The following RIPOR2 variants were observed in gnomAD, a reference collection of about 807,000 sequenced individuals.
RIPOR2 encodes the protein RHO family interacting cell polarization regulator 2.
RIPOR2 carries 39 observed loss-of-function variants against 114.5 expected under a neutral mutation model. That is an observed-to-expected ratio of 0.34 (90% CI 0.26 to 0.44). The LOEUF is 0.44. Among genes scored for constraint, RIPOR2 ranks in the 20% least tolerant of loss-of-function variants. RIPOR2 has a pLI of 1.00. For synonymous variants in RIPOR2, 445 were observed against 484.4 expected (o/e 0.92, Z 1.07); for missense variants, 1,007 against 1,255.1 (o/e 0.80, Z 2.99).
At chr6:25,004,986 T>TACACACAC (rs58120451) in intron 1 of RIPOR2, among the ~76,000 whole-genome samples, 1 of 146,432 alleles carries the variant, frequency 6.8e-6, no homozygotes, top group East Asian at 2.0e-4. Context: ...TCAAATAGGC[T>TACACACAC]ACACACACAC....
At chr6:24,839,826 C>T (rs770071001) in intron 13 of RIPOR2, 18 of 1,311,836 alleles carry the variant, frequency 1.4e-5, no homozygotes, top group East Asian at 3.0e-5. Flanking sequence ...TTACAAAAGG[C>T]GCTAGCTATC....
intron 21 of RIPOR2, among the ~76,000 whole-genome samples, chr6:24,809,216 A>G (rs531872557): frequency 1.4e-4 from 21 of 152,328 alleles, no homozygotes; most frequent in Admixed American, 3.9e-4. Context: ...TAAGTACTCC[A>G]ATTCTTTTCT....
intron 1 of RIPOR2, among the ~76,000 whole-genome samples, chr6:25,034,184 CTGTTG>C (rs1311228062): frequency 6.6e-6 from 1 of 151,788 alleles, no homozygotes; most frequent in East Asian, 1.9e-4. Context: ...GACTTTCTCT[CTGTTG>C]TATGTTTCTG....
rs1247378379 is a variant in RIPOR2, at chr6:25,004,098, GTGACA to G, written c.76+37748_76+37752del. Among the ~76,000 whole-genome samples, 3 of 152,170 alleles carry G rather than the reference GTGACA, an allele frequency of 2.0e-5. No homozygotes were observed. The East Asian group carries it at 5.8e-4, about 29-fold the overall frequency. ...AAACAAACCAAGGGATATTATGGTT[GTGACA>G]TGTTCATTGTCTCAACTTCCTGAGA... On this transcript the variant is annotated intron_variant, in intron 1 of 13. Transcript: ENST00000510784.
intron 3 of RIPOR2, 66 bp from the exon 4 acceptor site, chr6:24,873,025 C>T (rs1765360933): frequency 4.7e-6 from 5 of 1,065,692 alleles, no homozygotes; most frequent in Non-Finnish European, 7.3e-6. Context: ...GGTGCTGTTG[C>T]TGACTTTTCC....
At chr6:24,947,803 A>C (rs1249422511) in intron 1 of RIPOR2, 1 of 152,190 alleles carries the variant, frequency 6.6e-6, no homozygotes, top group Non-Finnish European at 1.5e-5. Flanking sequence ...AAAGAAAGAA[A>C]AAAGAAAAAA....
intron 1 of RIPOR2, among the ~76,000 whole-genome samples, chr6:24,945,547 T>A (rs1772362583): frequency 6.6e-6 from 1 of 152,148 alleles, no homozygotes; most frequent in South Asian, 2.1e-4. Flanking sequence ...TAATTATACA[T>A]CTGTGTTGAC....
chr6:24,840,804 A>G (rs1349437995), intron 13 of RIPOR2: 5 of 1,534,038 alleles, frequency 3.3e-6, no homozygotes, highest in East Asian at 4.9e-5. Flanking sequence ...GAGAAAAGAG[A>G]AAGCTTTGTC....
At chr6:24,976,780 C>G (rs548602085) in intron 1 of RIPOR2, 1 of 1,611,660 alleles carries the variant, frequency 6.2e-7, no homozygotes. Flanking sequence ...AAATCTTGTC[C>G]ATGGCAAATG....
intron 21 of RIPOR2, among the ~76,000 whole-genome samples, chr6:24,806,859 T>C (rs572082400): frequency 6.6e-6 from 1 of 152,348 alleles, no homozygotes; most frequent in East Asian, 1.9e-4. Flanking sequence ...TTTACTTGTA[T>C]ACATTATATA....
intron 1 of RIPOR2, among the ~76,000 whole-genome samples, chr6:24,914,328 C>T (rs746691258): frequency 9.4e-5 from 14 of 148,732 alleles, no homozygotes; most frequent in Admixed American, 7.3e-4. Context: ...CAAACAACAA[C>T]AACAACAACA....
chr6:24,847,523 C>T (rs140804253), intron 12 of RIPOR2: 4 of 1,548,926 alleles, frequency 2.6e-6, no homozygotes, highest in South Asian at 1.2e-5. Flanking sequence ...CACTCCATAC[C>T]CGGGCAGGCC....
At chr6:24,954,986 G>C (rs568278717) in intron 1 of RIPOR2, among the ~76,000 whole-genome samples, 122 of 152,196 alleles carry the variant, frequency 8.0e-4, no homozygotes, top group Non-Finnish European at 1.5e-3. Context: ...AGTTGTGGCC[G>C]TTTATATATC....
rs34770819 is a variant in RIPOR2, at chr6:24,820,869, C to CTTTTTTT, written c.2869-2251_2869-2245dup. 7.1e-4 allele frequency among the ~76,000 whole-genome samples: 60 copies of CTTTTTTT among 84,048 alleles called. 2 individuals carry two copies. The highest frequency in any genetic ancestry group is 1.1e-3 in the East Asian group (3 of 2,672). The allele number at this position is 84,048 out of a possible 152,430, so 55.1% of individuals were successfully genotyped here. A position where few individuals can be genotyped will look rare whatever the true frequency, so the allele number is the denominator to read the frequency against. On this transcript the variant is annotated intron_variant, in intron 19 of 21. Transcript: ENST00000643898. ...TTGTGTGGACATATGGTTTAACACT[C>CTTTTTTT]TTTTTTTTTTTTTTTTTTTTTTTGA...
At chr6:24,807,552 TACAACGGGTTTATTGGGA>T (rs1455712206) in intron 21 of RIPOR2, among the ~76,000 whole-genome samples, 2 of 152,200 alleles carry the variant, frequency 1.3e-5, no homozygotes, top group Non-Finnish European at 2.9e-5. Context: ...ATTTTCAACT[TACAACGGGTTTATTGGGA>T]TGTAACCCCA....
At chr6:24,975,862 A>G (rs976613963) in intron 1 of RIPOR2, among the ~76,000 whole-genome samples, 2 of 152,076 alleles carry the variant, frequency 1.3e-5, no homozygotes, top group Admixed American at 6.5e-5. Context: ...TTATTTATCA[A>G]TCATACCTCA....
chr6:24,896,335 A>G (rs77786537), intron 1 of RIPOR2, among the ~76,000 whole-genome samples: 12,970 of 152,286 alleles, frequency 0.085, 756 homozygotes, highest in Admixed American at 0.12. Flanking sequence ...GAAAGTGCTT[A>G]AACAGCGAAA....
At position 24,935,819 on chromosome 6, in the gene RIPOR2, G is replaced by C; in HGVS notation, c.61+19C>G. The C allele has an allele frequency of 6.6e-7, 1 of 1,526,572 alleles. No individual in the cohort carries two copies. The highest frequency in any genetic ancestry group is 8.8e-7 in the Non-Finnish European group (1 of 1,138,762). The allele number at this position is 1,526,572 out of a possible 1,614,324, so 94.6% of individuals were successfully genotyped here. On this transcript the variant is annotated intron_variant, in intron 1 of 21. Coordinates refer to ENST00000643898, the MANE Select transcript of RIPOR2 (RefSeq NM_001286445.3). Reference sequence around the variant, plus strand: ...AGCAAAGCAGACCGGAGAGCCTCCTGCCAGAAAGATGCATTTACCTTCACC... The same window carrying C: ...AGCAAAGCAGACCGGAGAGCCTCCTCCCAGAAAGATGCATTTACCTTCACC...
rs1781017134 is a variant in RIPOR2 at position 24,809,754 on chromosome 6, T to C, written c.3006A>G (p.Glu1002=). The C allele has an allele frequency of 6.4e-7, 1 of 1,551,028 alleles. No homozygotes were observed. The highest frequency in any genetic ancestry group is 8.7e-7 in the Non-Finnish European group (1 of 1,146,366). Residue 1002 remains glutamate, a synonymous_variant, in exon 21 of 22, where the codon GAA becomes GAG. Coordinates refer to ENST00000643898, the MANE Select transcript of RIPOR2 (RefSeq NM_001286445.3). ...LVTLCQSDTE[E]IRNVASETLL... is the part of the protein sequence containing the mutation. ...GGGTTTCTGAGGCCACATTTCTGAT[T>C]TCTTCAGTATCAGATTGACACAATG...
Sources: allele counts gnomAD v4.1 joint callset (sites outside exome capture counted in the v4.1 genomes callset), GRCh38; gene constraint gnomAD v4.1.1; transcripts MANE v1.5; gene names NCBI Gene and HGNC (gene_info 2026-07-23, HGNC 2026-07-21).